The following KIF12 variants were observed in gnomAD, a reference collection of about 807,000 sequenced individuals.
KIF12 encodes the protein kinesin family member 12.
Under a neutral mutation model 87.9 loss-of-function variants are expected in KIF12, and 80 were observed. That is an observed-to-expected ratio of 0.91 (90% confidence interval 0.76 to 1.10). KIF12 has a LOEUF of 1.10. Ranked by LOEUF, KIF12 falls within the 50% of genes least tolerant of loss-of-function variation. The pLI, the probability that KIF12 is intolerant of heterozygous loss-of-function variation, is 0.00. For missense variants in KIF12, 819 were observed against 865.3 expected (o/e 0.95, Z 0.67); for synonymous variants, 353 against 348.5 (o/e 1.01, Z -0.14).
intron 5 of KIF12, 113 bp downstream of exon 5, chr9:114,098,002 C>G: frequency 9.0e-7 from 1 of 1,115,234 alleles, no homozygotes. Context: ...ACAAGCGGGT[C>G]AGGCGGCGTC....
In KIF12 at chr9:114,098,931, T is replaced by A; in HGVS notation, c.171+4A>T. ...TTGGGGAGATAGAGAGAGGGGTTCC[T>A]CACCTGCAGAGTCCGGGTCCCTGAG... On this transcript the variant is annotated splice_donor_region_variant and intron_variant, in intron 3 of 18. Coordinates refer to ENST00000640217, the MANE Select transcript of KIF12 (RefSeq NM_001388308.1). The A allele has an allele frequency of 6.5e-7, 1 of 1,547,038 alleles. No homozygotes were observed. The highest frequency in any genetic ancestry group is 1.2e-5 in the South Asian group (1 of 83,966).
intron 18 of KIF12, 140 bp downstream of exon 18, chr9:114,092,193 G>C: frequency 2.0e-6 from 3 of 1,480,580 alleles, no homozygotes; most frequent in Non-Finnish European, 2.7e-6. Context: ...AGAATTCCAA[G>C]TTTGGGAAGT....
chr9:114,092,980 T>A, intron 16 of KIF12: 1 of 1,363,528 alleles, frequency 7.3e-7, no homozygotes, highest in Non-Finnish European at 9.7e-7. Flanking sequence ...CATAAGTGAG[T>A]AGATATGTGA....
At chr9:114,093,644 T>C (rs1055815249) in intron 14 of KIF12, 147 bp from the exon 15 acceptor site, 9 of 755,408 alleles carry the variant, frequency 1.2e-5, no homozygotes, top group Non-Finnish European at 2.0e-5. Flanking sequence ...TTATTCTCTC[T>C]GATTTTTAAA....
At chr9:114,092,944 T>C (rs1410926961) in intron 16 of KIF12, 2 of 1,422,590 alleles carry the variant, frequency 1.4e-6, no homozygotes, top group African/African-American at 1.4e-5. Flanking sequence ...ACTGAAGGAG[T>C]AAGTGAATGT....
chr9:114,097,978 G>A, intron 5 of KIF12, 137 bp downstream of exon 5: 2 of 1,001,566 alleles, frequency 2.0e-6, no homozygotes, highest in South Asian at 1.7e-5. Flanking sequence ...GGTCCTCAGC[G>A]TCCTCGTCTG....
At chr9:114,098,504 AGG>A in intron 3 of KIF12, 75 bp from the exon 4 acceptor site, 2 of 401,234 alleles carry the variant, frequency 5.0e-6, no homozygotes, top group African/African-American at 1.7e-4. Flanking sequence ...GGCACCGTGG[AGG>A]AGGGCGGGGC....
At position 114,092,388 on chromosome 9, in the gene KIF12, TA is replaced by T; in HGVS notation, c.1760del (p.Val587AspfsTer9). On this transcript the variant is annotated frameshift_variant, in exon 18 of 19. Transcript: ENST00000640217. LOFTEE classifies it high-confidence loss of function. ...LAEMLTEEEVVPSAPPLPVRP... is the reference protein window; with the variant it reads ...LAEMLTEEEVXPSAPPLPVRP... ...TCACAGGCAGGGGAGGTGCAGAAGG[TA>T]CCACCTCCTCCTCCGTCAACATCTC... is the stretch of plus-strand genomic sequence containing the variant. 1 of 1,612,292 alleles carries T rather than the reference TA, an allele frequency of 6.2e-7. No individual in the cohort carries two copies. Among genetic ancestry groups the T allele is most frequent in the South Asian group, 1.1e-5 (1 of 90,906 alleles).
intron 7 of KIF12, 97 bp downstream of exon 7, chr9:114,097,204 G>A: frequency 6.9e-7 from 1 of 1,458,750 alleles, no homozygotes; most frequent in Non-Finnish European, 9.2e-7. Flanking sequence ...AATCATTTCT[G>A]AAGCTGCAGC....
chr9:114,093,875 G>A lies in KIF12; in HGVS notation c.1400+11C>T, dbSNP rs1275340749. ...CCAGAGGCCTGGCTCCAAGCTGGTG[G>A]CTCTGCTTACCTCTCTAGTGCATGG... On this transcript the variant is annotated intron_variant, in intron 14 of 18. Transcript: ENST00000640217. 1 of 1,610,964 alleles carries A rather than the reference G, an allele frequency of 6.2e-7. No individual in the cohort carries two copies. Among genetic ancestry groups the A allele is most frequent in the South Asian group, 1.1e-5 (1 of 91,002 alleles).
rs904559862 is a variant in KIF12, at chr9:114,093,389, C to T, written c.1491+18G>A. 1.9e-6 allele frequency: 3 copies of T among 1,558,868 alleles called. No individual in the cohort carries two copies. The African/African-American group carries it at 4.1e-5, about 21-fold the overall frequency. ...CATCCCTACTTGTCACCCCTCCAGGCTGGGCCGTGAGACTCACATGGCAAG... is the reference window on the plus strand; with the variant it reads ...CATCCCTACTTGTCACCCCTCCAGGTTGGGCCGTGAGACTCACATGGCAAG... On this transcript the variant is annotated intron_variant, in intron 15 of 18. Coordinates refer to ENST00000640217, the MANE Select transcript of KIF12 (RefSeq NM_001388308.1).
chr9:114,094,130 A>G, intron 13 of KIF12, 51 bp downstream of exon 13: 2 of 1,560,378 alleles, frequency 1.3e-6, no homozygotes, highest in Non-Finnish European at 1.8e-6. Flanking sequence ...GAAGCAGCCT[A>G]GCAGTGATGG....
At chr9:114,098,842 G>A (rs1847360994) in intron 3 of KIF12, 93 bp downstream of exon 3, 1 of 1,414,562 alleles carries the variant, frequency 7.1e-7, no homozygotes, top group African/African-American at 1.4e-5. Context: ...ACCACTCCGG[G>A]GGAGCGCGGG....
In KIF12 at chr9:114,099,278, T is replaced by C; in HGVS notation, c.-2A>G. ...GTCGGGTGACCCGCGTTCTTCCATG[T>C]CCTGCTCTGCACACGGAGTTAGCTC... On this transcript the variant is annotated 5_prime_UTR_variant, in exon 1 of 19. Coordinates refer to ENST00000640217, the MANE Select transcript of KIF12 (RefSeq NM_001388308.1). 2 of 1,551,052 alleles carry C rather than the reference T, an allele frequency of 1.3e-6. No individual in the cohort carries two copies. Among genetic ancestry groups the C allele is most frequent in the Non-Finnish European group, 8.7e-7 (1 of 1,147,054 alleles).
chr9:114,093,095 GC>G, intron 16 of KIF12, 133 bp downstream of exon 16: 1 of 1,122,938 alleles, frequency 8.9e-7, no homozygotes, highest in Non-Finnish European at 1.3e-6. Context: ...GGCAGAGGGA[GC>G]CCTAGGCCAG....
rs1847067591 is a variant in KIF12 at position 114,093,219 on chromosome 9, C to G, written c.1596+10G>C. On this transcript the variant is annotated intron_variant, in intron 16 of 18. Transcript: ENST00000640217. The stretch of plus-strand genomic sequence containing the variant: ...CAGCCTTCCCTCACTCCCACCATGG[C>G]CTTTCCTACCTGGGGCAGGTGGTGC... The G allele has an allele frequency of 2.6e-6, 4 of 1,547,686 alleles. No individual in the cohort carries two copies. The highest frequency in any genetic ancestry group is 3.5e-6 in the Non-Finnish European group (4 of 1,143,530).
rs1847220552 is a variant in KIF12, at chr9:114,096,180, C to T, written c.766G>A (p.Gly256Arg). 1 of 1,613,870 alleles carries T rather than the reference C, an allele frequency of 6.2e-7. No homozygotes were observed. Among genetic ancestry groups the T allele is most frequent in the African/African-American group, 1.3e-5 (1 of 74,948 alleles). ...AGCTTCCCACCAACAGGGGGCTCCC[C>T]AGGGTCCACAGAAGGCATCTGCTGG... is the stretch of plus-strand genomic sequence containing the variant. Reference protein sequence around the residue: ...TAQQMPSVDPGEPPVGGKLCF... With the variant: ...TAQQMPSVDPREPPVGGKLCF... Residue 256 changes from glycine to arginine, a missense_variant, in exon 9 of 19, where the codon GGG becomes AGG. Physicochemically the swap from Gly to Arg is moderately radical, Grantham distance 125. Coordinates refer to ENST00000640217, the MANE Select transcript of KIF12 (RefSeq NM_001388308.1).
chr9:114,091,989 C>T lies in KIF12; in HGVS notation c.1828G>A (p.Val610Ile), dbSNP rs766923553. The change falls in exon 19 of 19, where the codon GTT (valine) becomes ATT (isoleucine). Residue 610 changes from valine to isoleucine, a missense_variant. Transcript: ENST00000640217. ...TSPGLRGGAGVPNLAQRLEAL... is the reference protein window; with the variant it reads ...TSPGLRGGAGIPNLAQRLEAL... ...TCCAGTCTCTGGGCCAGGTTTGGAACCCCGGCCCCACCTAAGGAGCAGTGA... is the reference window on the plus strand; with the variant it reads ...TCCAGTCTCTGGGCCAGGTTTGGAATCCCGGCCCCACCTAAGGAGCAGTGA... 6 of 1,611,448 alleles carry T rather than the reference C, an allele frequency of 3.7e-6. No individual in the cohort carries two copies. Among genetic ancestry groups the T allele is most frequent in the Non-Finnish European group, 5.1e-6 (6 of 1,179,450 alleles).
At position 114,099,129 on chromosome 9, in the gene KIF12, C is replaced by G; in HGVS notation, c.67G>C (p.Glu23Gln). ...CTGAGCACCACCTGGATGGGCGTTT[C>G]CGGCCCCTCTGGCCCTTGCTCCAGG... is the stretch of plus-strand genomic sequence containing the variant. ...RSLEQGPEGPETPIQVVLRVR... is the reference protein window; with the variant it reads ...RSLEQGPEGPQTPIQVVLRVR... Residue 23 changes from glutamate (E) to glutamine (Q), a missense_variant, in exon 2 of 19, where the codon GAA (glutamate) becomes CAA (glutamine). Glu to Gln is a conservative substitution (Grantham distance 29). Coordinates refer to ENST00000640217, the MANE Select transcript of KIF12 (RefSeq NM_001388308.1). 1 of 1,550,614 alleles carries G rather than the reference C, an allele frequency of 6.4e-7. No individual in the cohort carries two copies. The highest frequency in any genetic ancestry group is 8.7e-7 in the Non-Finnish European group (1 of 1,146,970).
Sources: gnomAD v4.1 joint callset for allele counts on GRCh38, gnomAD v4.1.1 for gene constraint, MANE v1.5 for transcripts, NCBI Gene and HGNC (gene_info 2026-07-23, HGNC 2026-07-21) for gene names.